Variants in GORAB observed in about 807,000 individuals in gnomAD.
GORAB encodes the protein RAB6-interacting golgin.
In GORAB, 17 loss-of-function variants were observed where a neutral mutation model predicts 29.9. The observed-to-expected ratio is 0.57, with a 90% CI of 0.39 to 0.85. GORAB has a LOEUF of 0.85. Ranked by LOEUF, GORAB falls within the 40% of genes least tolerant of loss-of-function variation. The pLI is 0.00. For missense variants in GORAB, 442 were observed against 437.8 expected, an observed-to-expected ratio of 1.01 and a Z score of -0.09; for synonymous variants, 183 against 157.2, an observed-to-expected ratio of 1.16 and a Z score of -1.23.
At chr1:170,538,830 A>G (rs1649211411) in intron 1 of GORAB, among the ~76,000 whole-genome samples, 1 of 152,224 alleles carries the variant, frequency 6.6e-6, no homozygotes, top group Non-Finnish European at 1.5e-5. Context: ...AGCAGACAGA[A>G]CCATAAATCA....
At position 170,552,539 on chromosome 1, in the gene GORAB, A is replaced by G. The variant is rs968330116; in HGVS notation, c.*77A>G. The G allele has an allele frequency of 8.8e-7, 1 of 1,140,990 alleles. No individual in the cohort carries two copies. The allele number at this position is 1,140,990 out of a possible 1,614,324, so 70.7% of individuals were successfully genotyped here. ...GCAGTAGATCATGCCCTGACCTCCA[A>G]TAAAAACCTCTTTAAAACAATGCTG... On this transcript the variant is annotated 3_prime_UTR_variant, in exon 5 of 5. Transcript: ENST00000367763.
At chr1:170,543,347 C>T (rs1431961916) in intron 3 of GORAB, among the ~76,000 whole-genome samples, 3 of 152,158 alleles carry the variant, frequency 2.0e-5, no homozygotes, top group African/African-American at 7.2e-5. Flanking sequence ...AAACTAAATG[C>T]AAGGAAGTAC....
chr1:170,544,261 A>G (rs16863416), intron 3 of GORAB, among the ~76,000 whole-genome samples: 28,176 of 152,190 alleles, frequency 0.19, 3,611 homozygotes, highest in East Asian at 0.6. Context: ...ATGTTCTCAG[A>G]TATATAAAGA....
At chr1:170,539,799 G>T in intron 2 of GORAB, 1 of 520,446 alleles carries the variant, frequency 1.9e-6, no homozygotes, top group East Asian at 3.5e-5. Context: ...GCCTTACAAT[G>T]CATGTTTATT....
In GORAB at chr1:170,553,079, C is replaced by T. The variant is rs1265673260; in HGVS notation, c.*617C>T. ...CCTTCCAGTGATTTTAGTTTACAACCTGCGTTTTGTTATTTGAAACACACA... is the reference window on the plus strand; with the variant it reads ...CCTTCCAGTGATTTTAGTTTACAACTTGCGTTTTGTTATTTGAAACACACA... On this transcript the variant is annotated 3_prime_UTR_variant, in exon 5 of 5. Coordinates refer to ENST00000367763, the MANE Select transcript of GORAB (RefSeq NM_152281.3). 2.2e-6 allele frequency: 1 copy of T among 453,644 alleles called. No individual in the cohort carries two copies. The highest frequency in any genetic ancestry group is 2.4e-5 in the Admixed American group (1 of 42,502). 28.1% of individuals were successfully genotyped at this position (453,644 alleles called of 1,614,324 possible).
chr1:170,533,730 A>G, intron 1 of GORAB: 2 of 350,232 alleles, frequency 5.7e-6, no homozygotes, highest in Middle Eastern at 5.5e-4. Context: ...TATCTTTGCA[A>G]CCGGGGGTAG....
chr1:170,532,175 C>A lies in GORAB; in HGVS notation c.-49C>A. 6.2e-7 allele frequency: 1 copy of A among 1,613,416 alleles called. No individual in the cohort carries two copies. The highest frequency in any genetic ancestry group is 8.5e-7 in the Non-Finnish European group (1 of 1,180,018). ...TGAGCTGGGCAGCAGTGTTGGCAGT[C>A]GCGGCTGCGAGATTTGGGCACTTTT... On this transcript the variant is annotated 5_prime_UTR_variant, in exon 1 of 5. Coordinates refer to ENST00000367763, the MANE Select transcript of GORAB (RefSeq NM_152281.3).
chr1:170,533,709 A>G, intron 1 of GORAB: 2 of 359,208 alleles, frequency 5.6e-6, no homozygotes, highest in South Asian at 4.0e-5. Context: ...ATGTAGAAGT[A>G]TATTTTGAAA....
rs770761808 is a variant in GORAB at position 170,552,309 on chromosome 1, A to G, written c.957A>G (p.Thr319=). 8 of 1,614,158 alleles carry G rather than the reference A, an allele frequency of 5.0e-6. No homozygotes were observed. Among genetic ancestry groups the G allele is most frequent in the East Asian group, 2.2e-5 (1 of 44,886 alleles). ...RPFQPAEESV[T]LEFAKENRKC... is the part of the protein sequence containing the mutation. ...TTCAGCCTGCGGAGGAGAGTGTGAC[A>G]TTAGAATTTGCTAAAGAGAACAGAA... is the stretch of plus-strand genomic sequence containing the variant. Residue 319 remains threonine (T), a synonymous_variant, in exon 5 of 5, where the codon ACA becomes ACG. Transcript: ENST00000367763.
At chr1:170,538,084 C>G (rs1649165916) in intron 1 of GORAB, among the ~76,000 whole-genome samples, 1 of 152,128 alleles carries the variant, frequency 6.6e-6, no homozygotes, top group Admixed American at 6.5e-5. Flanking sequence ...AAAATATTTT[C>G]TGTACATATC....
At chr1:170,532,536 T>C (rs974279211) in intron 1 of GORAB, 2 of 482,486 alleles carry the variant, frequency 4.1e-6, no homozygotes, top group Non-Finnish European at 7.6e-6. Flanking sequence ...GATTTGACTC[T>C]TGTGAAAGGA....
chr1:170,544,350 G>A (rs1026501756), intron 3 of GORAB, among the ~76,000 whole-genome samples: 41 of 152,118 alleles, frequency 2.7e-4, no homozygotes, highest in African/African-American at 8.2e-4. Flanking sequence ...TTAGCAAGAG[G>A]AAGAATTAAA....
chr1:170,541,203 C>CAAAAAA (rs67384213), intron 2 of GORAB, among the ~76,000 whole-genome samples: 3 of 46,332 alleles, frequency 6.5e-5, no homozygotes, highest in African/African-American at 1.8e-4. Context: ...GATTCTGTCC[C>CAAAAAA]AAAAAAAAAA....
At position 170,553,245 on chromosome 1, in the gene GORAB, CAAA is replaced by C. The variant is rs1310767662; in HGVS notation, c.*788_*790del. ...AAATCTCATTGCTACTTGTGATTAT[CAAA>C]AAAAGTATGTATTTTCTTTCTAAAG... On this transcript the variant is annotated 3_prime_UTR_variant, in exon 5 of 5. Transcript: ENST00000367763. 2.3e-6 allele frequency: 1 copy of C among 442,054 alleles called. No homozygotes were observed. 27.4% of individuals were successfully genotyped at this position (442,054 alleles called of 1,614,324 possible).
intron 1 of GORAB, chr1:170,536,335 T>C (rs1649058693): frequency 6.6e-6 from 1 of 152,046 alleles, no homozygotes; most frequent in Admixed American, 6.6e-5. Context: ...ACAAAAGACA[T>C]GAATAGATAT....
chr1:170,545,400 T>C, intron 4 of GORAB: 2 of 947,522 alleles, frequency 2.1e-6, no homozygotes, highest in Non-Finnish European at 2.5e-6. Context: ...TCAATTATAC[T>C]CTGTATGAAA....
intron 3 of GORAB, among the ~76,000 whole-genome samples, chr1:170,544,244 T>A (rs563508677): frequency 6.6e-6 from 1 of 152,306 alleles, no homozygotes; most frequent in East Asian, 1.9e-4. Flanking sequence ...AAGTTAAAAC[T>A]AAGTGGATGT....
intron 4 of GORAB, among the ~76,000 whole-genome samples, chr1:170,550,005 A>G (rs972134012): frequency 2.6e-5 from 4 of 152,212 alleles, no homozygotes; most frequent in African/African-American, 9.6e-5. Flanking sequence ...CAAAACTCCT[A>G]TGAGGTATTA....
intron 1 of GORAB, chr1:170,538,985 A>G (rs1649221757): frequency 7.0e-6 from 4 of 570,774 alleles, no homozygotes; most frequent in Non-Finnish European, 1.2e-5. Flanking sequence ...CTGAAGATAA[A>G]TTAAGAGATG....
Sources: gnomAD v4.1 joint callset for allele counts (sites outside exome capture counted in the v4.1 genomes callset) on GRCh38, gnomAD v4.1.1 for gene constraint, MANE v1.5 for transcripts, NCBI Gene and HGNC (gene_info 2026-07-23, HGNC 2026-07-21) for gene names.